The following DOK6 variants were observed in gnomAD, a reference collection of about 807,000 sequenced individuals.
DOK6 encodes the protein docking protein 6, also known as downstream of tyrosine kinase 6.
DOK6 carries 22 observed loss-of-function variants against 44.0 expected under a neutral mutation model. The ratio of observed to expected loss-of-function variants is 0.50; its 90% CI spans 0.36 to 0.71. The LOEUF is 0.71. Ranked by LOEUF, DOK6 falls within the 30% of genes least tolerant of loss-of-function variation. DOK6 has a pLI of 0.00. For missense variants in DOK6, 340 were observed against 416.4 expected (o/e 0.82, Z 1.60); for synonymous variants, 166 against 145.5 (o/e 1.14, Z -1.01).
chr18:69,705,958 T>C (rs1273670321), intron 5 of DOK6, among the ~76,000 whole-genome samples: 2 of 151,138 alleles, frequency 1.3e-5, no homozygotes, highest in East Asian at 3.9e-4. Flanking sequence ...GCTAAGAAAC[T>C]GCAGACAGAG....
chr18:69,529,692 T>G (rs1441587466), intron 1 of DOK6, among the ~76,000 whole-genome samples: 1 of 152,218 alleles, frequency 6.6e-6, no homozygotes, highest in Non-Finnish European at 1.5e-5. Context: ...CTTTTCCTAC[T>G]TAGCTTATTA....
intron 3 of DOK6, among the ~76,000 whole-genome samples, chr18:69,641,025 G>A (rs532602616): frequency 2.8e-4 from 42 of 152,036 alleles, no homozygotes; most frequent in Admixed American, 2.6e-3. Context: ...AGACCATCCT[G>A]GCCAACATAG....
At chr18:69,478,265 A>C (rs1818768273) in intron 1 of DOK6, among the ~76,000 whole-genome samples, 1 of 152,172 alleles carries the variant, frequency 6.6e-6, no homozygotes, top group Admixed American at 6.5e-5. Flanking sequence ...TTATTTTAGC[A>C]TAGGGCATTT....
At chr18:69,825,766 G>A (rs1004052366) in intron 7 of DOK6, among the ~76,000 whole-genome samples, 1 of 151,692 alleles carries the variant, frequency 6.6e-6, no homozygotes, top group African/African-American at 2.4e-5. Flanking sequence ...ATTATGAAAC[G>A]AAAGTAAAAC....
At chr18:69,763,571 T>A (rs1193105566) in intron 7 of DOK6, among the ~76,000 whole-genome samples, 1 of 151,744 alleles carries the variant, frequency 6.6e-6, no homozygotes, top group African/African-American at 2.4e-5. Context: ...TGAGGAACAA[T>A]CATTTAAAAA....
intron 1 of DOK6, among the ~76,000 whole-genome samples, chr18:69,534,932 C>T (rs1287402879): frequency 6.6e-6 from 1 of 152,054 alleles, no homozygotes; most frequent in Non-Finnish European, 1.5e-5. Flanking sequence ...TGCTTTCTGG[C>T]TGTGATATTG....
chr18:69,565,474 CGTGTGTGTGTGTGT>C (rs869115556), intron 2 of DOK6, among the ~76,000 whole-genome samples: 16 of 87,568 alleles, frequency 1.8e-4, no homozygotes, highest in African/African-American at 5.2e-4. Flanking sequence ...TCTGTCTCTA[CGTGTGTGTGTGTGT>C]GTGTGTGTGT....
chr18:69,415,092 A>G (rs1195780777), intron 1 of DOK6, among the ~76,000 whole-genome samples: 1 of 152,126 alleles, frequency 6.6e-6, no homozygotes, highest in Non-Finnish European at 1.5e-5. Context: ...TACAAGATCA[A>G]AAGAGTGCTT....
At chr18:69,702,391 G>A (rs942411502) in intron 5 of DOK6, among the ~76,000 whole-genome samples, 1 of 152,132 alleles carries the variant, frequency 6.6e-6, no homozygotes, top group African/African-American at 2.4e-5. Flanking sequence ...AAACATTGAA[G>A]AGTTGCAATT....
intron 1 of DOK6, among the ~76,000 whole-genome samples, chr18:69,467,921 G>C (rs17765202): frequency 0.2 from 30,402 of 152,078 alleles, 3,438 homozygotes; most frequent in Non-Finnish European, 0.23. Context: ...GATAGCCCCT[G>C]AATTGTATTG....
intron 7 of DOK6, among the ~76,000 whole-genome samples, chr18:69,767,268 T>A (rs995345419): frequency 2.0e-5 from 3 of 152,290 alleles, no homozygotes; most frequent in Non-Finnish European, 4.4e-5. Context: ...AATAAATGGT[T>A]TCTAGTTTTT....
intron 7 of DOK6, among the ~76,000 whole-genome samples, chr18:69,814,902 T>C: frequency 6.6e-6 from 1 of 151,982 alleles, no homozygotes; most frequent in Non-Finnish European, 1.5e-5. Flanking sequence ...TCAGGTGTCA[T>C]GCGACTAGCA....
intron 2 of DOK6, among the ~76,000 whole-genome samples, chr18:69,588,230 A>C (rs1983549540): frequency 6.6e-6 from 1 of 152,222 alleles, no homozygotes. Flanking sequence ...TTTATCAGTT[A>C]GAAATTTTAG....
chr18:69,727,378 T>G (rs978014562), intron 5 of DOK6, among the ~76,000 whole-genome samples: 1 of 152,236 alleles, frequency 6.6e-6, no homozygotes, highest in Non-Finnish European at 1.5e-5. Context: ...TCATTCTACA[T>G]GCTCAACATT....
intron 3 of DOK6, among the ~76,000 whole-genome samples, chr18:69,650,605 T>A (rs1466668144): frequency 1.3e-5 from 2 of 152,316 alleles, no homozygotes; most frequent in South Asian, 2.1e-4. Flanking sequence ...AACTATCATA[T>A]CCAATGAAGG....
intron 2 of DOK6, among the ~76,000 whole-genome samples, chr18:69,586,547 T>A (rs545762147): frequency 2.6e-5 from 4 of 152,284 alleles, no homozygotes; most frequent in African/African-American, 9.6e-5. Flanking sequence ...ATTCAGGACT[T>A]CCCATCTGAA....
chr18:69,762,767 G>C (rs991050975), intron 7 of DOK6, among the ~76,000 whole-genome samples: 1 of 152,182 alleles, frequency 6.6e-6, no homozygotes, highest in African/African-American at 2.4e-5. Flanking sequence ...TCAGTTGTCT[G>C]TCAGCCTCAA....
chr18:69,779,882 A>C lies in DOK6; in HGVS notation c.856+22009A>C, dbSNP rs551735307. Reference sequence around the variant, plus strand: ...TGGACTTACCCTTTTCTATCCTGTGAATAAATATTTGCCATATTTTTCATG... The same window carrying C: ...TGGACTTACCCTTTTCTATCCTGTGCATAAATATTTGCCATATTTTTCATG... On this transcript the variant is annotated intron_variant, in intron 7 of 7. Coordinates refer to ENST00000382713, the MANE Select transcript of DOK6 (RefSeq NM_152721.6). 3.9e-5 allele frequency among the ~76,000 whole-genome samples: 6 copies of C among 152,220 alleles called. No homozygotes were observed. In the South Asian group the frequency reaches 1.2e-3, roughly 32 times the overall value.
chr18:69,444,843 C>T (rs1979237610), intron 1 of DOK6, among the ~76,000 whole-genome samples: 1 of 151,902 alleles, frequency 6.6e-6, no homozygotes, highest in African/African-American at 2.4e-5. Flanking sequence ...TGGCTACTTA[C>T]AATTCCATAT....
Sources: gnomAD v4.1 joint callset for allele counts (sites outside exome capture counted in the v4.1 genomes callset) on GRCh38, gnomAD v4.1.1 for gene constraint, MANE v1.5 for transcripts, NCBI Gene and HGNC (gene_info 2026-07-23, HGNC 2026-07-21) for gene names.